The following NRXN3 variants were observed in gnomAD, a reference collection of about 807,000 sequenced individuals.
The protein encoded by NRXN3 is neurexin 3.
In NRXN3, 32 loss-of-function variants were observed where a neutral mutation model predicts 137.6. The observed-to-expected ratio is 0.23, with a 90% CI of 0.18 to 0.31. NRXN3 has a LOEUF of 0.31. Ranked by LOEUF, NRXN3 falls within the 10% of genes least tolerant of loss-of-function variation. The pLI is 1.00. For synonymous variants in NRXN3, 798 were observed against 784.5 expected (o/e 1.02, Z -0.29); for missense variants, 1,574 against 2,062.5 (o/e 0.76, Z 4.59).
At chr14:78,301,391 AGT>A (rs1424048934) in intron 4 of NRXN3, among the ~76,000 whole-genome samples, 1 of 152,286 alleles carries the variant, frequency 6.6e-6, no homozygotes, top group Middle Eastern at 3.4e-3. Flanking sequence ...AGAGGGGCTG[AGT>A]GTGCAAACTT....
intron 16 of NRXN3, among the ~76,000 whole-genome samples, chr14:79,559,273 T>A (rs2097463768): frequency 6.6e-6 from 1 of 152,194 alleles, no homozygotes; most frequent in African/African-American, 2.4e-5. Context: ...GCTTTTGATA[T>A]GTCTTCCTCA....
At chr14:78,933,492 C>G (rs1046467285) in intron 10 of NRXN3, among the ~76,000 whole-genome samples, 1 of 152,138 alleles carries the variant, frequency 6.6e-6, no homozygotes, top group South Asian at 2.1e-4. Flanking sequence ...ATTGGGGGTT[C>G]TCTGCAACTG....
chr14:79,700,456 T>C (rs1376629752), intron 19 of NRXN3, among the ~76,000 whole-genome samples: 1 of 152,082 alleles, frequency 6.6e-6, no homozygotes, highest in African/African-American at 2.4e-5. Context: ...CTAAATTTAA[T>C]AACATTGTCA....
intron 4 of NRXN3, among the ~76,000 whole-genome samples, chr14:78,552,046 G>A (rs746962414): frequency 2.0e-5 from 3 of 152,102 alleles, no homozygotes; most frequent in Non-Finnish European, 4.4e-5. Context: ...CAAAAGATCA[G>A]TGTAGAGGCT....
chr14:79,513,334 A>G (rs2096951226), intron 16 of NRXN3, among the ~76,000 whole-genome samples: 1 of 152,178 alleles, frequency 6.6e-6, no homozygotes, highest in Non-Finnish European at 1.5e-5. Context: ...AAAATTATCA[A>G]GAGTTGGTGG....
intron 10 of NRXN3, among the ~76,000 whole-genome samples, chr14:78,942,215 A>G (rs936438348): frequency 6.6e-6 from 1 of 152,178 alleles, no homozygotes; most frequent in Non-Finnish European, 1.5e-5. Context: ...AAACCTGCCA[A>G]GTACTTCACT....
chr14:79,308,221 G>C (rs1326810208), intron 15 of NRXN3, among the ~76,000 whole-genome samples: 3 of 152,048 alleles, frequency 2.0e-5, no homozygotes, highest in Non-Finnish European at 4.4e-5. Flanking sequence ...GAAGTAATTT[G>C]GCTCATAATA....
chr14:78,982,442 G>T (rs1232754463), intron 14 of NRXN3, among the ~76,000 whole-genome samples: 1 of 152,006 alleles, frequency 6.6e-6, no homozygotes, highest in African/African-American at 2.4e-5. Context: ...ACAAAAAACG[G>T]ATGCACTGAC....
chr14:78,964,377 C>A (rs541430024), intron 11 of NRXN3, among the ~76,000 whole-genome samples: 50 of 152,330 alleles, frequency 3.3e-4, no homozygotes, highest in African/African-American at 1.2e-3. Flanking sequence ...TTTGTGGAAG[C>A]AAGGCTTGCT....
intron 15 of NRXN3, among the ~76,000 whole-genome samples, chr14:79,264,557 T>TGTGTGTGC (rs1491095998): frequency 1.6e-5 from 2 of 122,816 alleles, no homozygotes; most frequent in Non-Finnish European, 3.6e-5. Context: ...TGTGTGTGTG[T>TGTGTGTGC]GCGCGCGTGC....
At chr14:78,180,906 A>T (rs2059749751) in intron 1 of NRXN3, among the ~76,000 whole-genome samples, 1 of 152,222 alleles carries the variant, frequency 6.6e-6, no homozygotes, top group African/African-American at 2.4e-5. Flanking sequence ...AACTTGCTGC[A>T]TATTGAAATC....
chr14:78,541,760 A>G (rs952742382), intron 4 of NRXN3, among the ~76,000 whole-genome samples: 1 of 151,898 alleles, frequency 6.6e-6, no homozygotes, highest in African/African-American at 2.4e-5. Context: ...CTTTCATCCC[A>G]CCTTTGGTCT....
intron 6 of NRXN3, 117 bp downstream of exon 6, chr14:78,651,443 C>A: frequency 1.7e-6 from 2 of 1,170,082 alleles, no homozygotes; most frequent in Non-Finnish European, 2.4e-6. Flanking sequence ...TAGATTGCAG[C>A]AGAAACAACC....
At chr14:78,625,733 T>G (rs2097451769) in intron 4 of NRXN3, among the ~76,000 whole-genome samples, 1 of 152,198 alleles carries the variant, frequency 6.6e-6, no homozygotes, top group Non-Finnish European at 1.5e-5. Flanking sequence ...CAGGCTTGCA[T>G]CCCTGGAAAG....
chr14:78,589,564 G>A (rs2097097697), intron 4 of NRXN3, among the ~76,000 whole-genome samples: 1 of 152,196 alleles, frequency 6.6e-6, no homozygotes, highest in Non-Finnish European at 1.5e-5. Flanking sequence ...TCTTGCACTT[G>A]TTGCCTGAGA....
intron 2 of NRXN3, among the ~76,000 whole-genome samples, chr14:78,263,401 C>G (rs952121772): frequency 1.3e-5 from 2 of 152,162 alleles, no homozygotes; most frequent in Non-Finnish European, 2.9e-5. Flanking sequence ...AATCAAGATA[C>G]TTTGATTGTA....
intron 10 of NRXN3, among the ~76,000 whole-genome samples, chr14:78,823,142 A>C (rs1350994380): frequency 6.6e-6 from 1 of 152,234 alleles, no homozygotes; most frequent in African/African-American, 2.4e-5. Context: ...GACAACTAAG[A>C]AGAGGATAAC....
intron 15 of NRXN3, among the ~76,000 whole-genome samples, chr14:79,170,523 C>A (rs1407055651): frequency 6.6e-6 from 1 of 152,080 alleles, no homozygotes; most frequent in Non-Finnish European, 1.5e-5. Flanking sequence ...GGAGTTTGAA[C>A]TGAGCCTTAA....
In NRXN3 at chr14:78,782,482, T is replaced by C. The variant is rs1404240375; in HGVS notation, c.2045-21138T>C. ...GTTGGAAAGGAATCAAATCTGAGCT[T>C]TTGCCGAAAGCTTTTTGCAATCCCA... On this transcript the variant is annotated intron_variant, in intron 8 of 20. Coordinates refer to ENST00000335750, the MANE Select transcript of NRXN3 (RefSeq NM_001330195.2). 2.6e-5 allele frequency among the ~76,000 whole-genome samples: 4 copies of C among 152,148 alleles called. No individual in the cohort carries two copies. The East Asian group carries it at 7.7e-4, about 29-fold the overall frequency.
Sources: gnomAD v4.1 joint callset for allele counts (sites outside exome capture counted in the v4.1 genomes callset) on GRCh38, gnomAD v4.1.1 for gene constraint, MANE v1.5 for transcripts, NCBI Gene and HGNC (gene_info 2026-07-23, HGNC 2026-07-21) for gene names.